CTBP2: variants seen among roughly 807,000 people sequenced by gnomAD.
CTBP2 encodes the protein C-terminal binding protein 2.
Under a neutral mutation model 80.3 loss-of-function variants are expected in CTBP2, and 30 were observed. The observed-to-expected ratio is 0.37, with a 90% CI of 0.28 to 0.51. The LOEUF (loss-of-function observed/expected upper bound fraction) is 0.51, where lower values mean the gene tolerates loss of function less well. Ranked by LOEUF, CTBP2 falls within the 20% of genes least tolerant of loss-of-function variation. The pLI is 0.93. For missense variants in CTBP2, 1,212 were observed against 1,375.3 expected (o/e 0.88, Z 1.88); for synonymous variants, 594 against 587.4 (o/e 1.01, Z -0.16).
upstream of CTBP2, among the ~76,000 whole-genome samples, chr10:125,029,244 A>G (rs1164338828): frequency 2.5e-5 from 3 of 119,382 alleles, no homozygotes; most frequent in Admixed American, 8.3e-5. Context: ...TTTGAGACAC[A>G]GTTTTTTTTT....
At chr10:125,159,344 G>A (rs1464547979) in intron 1 of CTBP2, among the ~76,000 whole-genome samples, 6 of 146,920 alleles carry the variant, frequency 4.1e-5, no homozygotes, top group Admixed American at 4.0e-4. Context: ...GGCTCCCGGC[G>A]GCGGCGGGCG....
chr10:125,085,390 G>T (rs185706358), intron 2 of CTBP2, among the ~76,000 whole-genome samples: 1 of 152,152 alleles, frequency 6.6e-6, no homozygotes, highest in South Asian at 2.1e-4. Flanking sequence ...CTGTACACAC[G>T]CCTGACTCTC....
intron 2 of CTBP2, among the ~76,000 whole-genome samples, chr10:125,041,316 C>G (rs1959671636): frequency 6.6e-6 from 1 of 152,208 alleles, no homozygotes; most frequent in African/African-American, 2.4e-5. Context: ...CTCCTGAACT[C>G]AAGTGATCCA....
chr10:125,060,804 T>C (rs1024611710), intron 2 of CTBP2, among the ~76,000 whole-genome samples: 2 of 152,150 alleles, frequency 1.3e-5, no homozygotes, highest in African/African-American at 4.8e-5. Context: ...GAGAGGCCGG[T>C]GCCCCAACCT....
At chr10:125,005,823 C>T in intron 1 of CTBP2, 1 of 1,606,194 alleles carries the variant, frequency 6.2e-7, no homozygotes, top group Non-Finnish European at 8.5e-7. Context: ...CAGGCGGTCG[C>T]CCACACACAG....
chr10:125,055,566 C>G (rs1963704455), intron 2 of CTBP2, among the ~76,000 whole-genome samples: 1 of 152,184 alleles, frequency 6.6e-6, no homozygotes, highest in Admixed American at 6.5e-5. Flanking sequence ...CCAGAAGCAG[C>G]ACTGCAGAGG....
chr10:125,055,721 C>T (rs1027833491), intron 2 of CTBP2, among the ~76,000 whole-genome samples: 2 of 152,248 alleles, frequency 1.3e-5, no homozygotes, highest in South Asian at 2.1e-4. Context: ...AAAAGCCAGA[C>T]TAGCATGTAA....
In CTBP2 at chr10:125,086,998, T is replaced by A. The variant is rs61869194; in HGVS notation, c.-102+23992A>T. Among the ~76,000 whole-genome samples, 494 of 151,932 alleles carry A rather than the reference T, an allele frequency of 3.3e-3. 5 individuals are homozygous for A. The highest frequency in any genetic ancestry group is 6.0e-3 in the Non-Finnish European group (407 of 68,004). On this transcript the variant is annotated intron_variant, in intron 2 of 10. Transcript: ENST00000337195. ...ATCTCTGAATGGATGGATGACTGAG[T>A]CTGAAGAGATCATGAGCCAGCCCTG...
chr10:125,120,938 C>G lies in CTBP2; in HGVS notation c.-205-9845G>C, dbSNP rs574242609. Among the ~76,000 whole-genome samples the G allele has an allele frequency of 2.0e-5, 3 of 152,288 alleles. No individual in the cohort carries two copies. The South Asian group carries it at 6.2e-4, about 32-fold the overall frequency. On this transcript the variant is annotated intron_variant, in intron 1 of 10. Coordinates refer to the CTBP2 transcript ENST00000337195. ...GGTGGCCAGATATCGGTTCCTTGAC[C>G]CTGACTCTCTCACATTGCCTTCCCC... is the stretch of plus-strand genomic sequence containing the variant.
chr10:125,060,723 G>A (rs1422308852), intron 2 of CTBP2, among the ~76,000 whole-genome samples: 4 of 152,346 alleles, frequency 2.6e-5, no homozygotes, highest in Admixed American at 6.5e-5. Flanking sequence ...GAAGCCAAGA[G>A]GAGAGATTGC....
chr10:125,044,150 C>G (rs768173091), intron 2 of CTBP2, among the ~76,000 whole-genome samples: 6 of 152,194 alleles, frequency 3.9e-5, no homozygotes, highest in Non-Finnish European at 8.8e-5. Context: ...CCTTCTGAGC[C>G]TGGGATCCCA....
rs1206820163 is a variant in CTBP2, at chr10:125,071,617, G to C, written c.-101-32462C>G. On this transcript the variant is annotated intron_variant, in intron 2 of 10. Coordinates refer to the CTBP2 transcript ENST00000337195. ...GTGATGACAGCTGGCCAAGGAACAG[G>C]AGAATGGACCAGTCCGCCAGGTTTT... Among the ~76,000 whole-genome samples the C allele has an allele frequency of 2.6e-5, 4 of 152,168 alleles. No individual in the cohort carries two copies. In the East Asian group the frequency reaches 5.8e-4, roughly 22 times the overall value.
At chr10:125,154,906 A>T (rs907986017) in intron 1 of CTBP2, among the ~76,000 whole-genome samples, 10 of 152,200 alleles carry the variant, frequency 6.6e-5, no homozygotes, top group African/African-American at 2.2e-4. Context: ...TTTTAGCTGC[A>T]TTCTCCCTAA....
At chr10:124,994,709 G>A in intron 4 of CTBP2, 26 bp from the exon 7 acceptor site, 1 of 1,611,424 alleles carries the variant, frequency 6.2e-7, no homozygotes, top group Non-Finnish European at 8.5e-7. Context: ...GCGTCCAGGT[G>A]AGTGAGTCCA....
intron 2 of CTBP2, among the ~76,000 whole-genome samples, chr10:125,104,817 G>C (rs886564924): frequency 2.0e-5 from 3 of 152,190 alleles, no homozygotes; most frequent in African/African-American, 7.2e-5. Context: ...AAAAATAAAT[G>C]AATCAACCAA....
At chr10:125,086,984 G>A (rs1297849891) in intron 2 of CTBP2, among the ~76,000 whole-genome samples, 1 of 152,064 alleles carries the variant, frequency 6.6e-6, no homozygotes, top group Non-Finnish European at 1.5e-5. Flanking sequence ...TCTCTGAATG[G>A]ATGGATGACT....
At chr10:125,133,220 C>G (rs992291054) in intron 1 of CTBP2, among the ~76,000 whole-genome samples, 4 of 152,176 alleles carry the variant, frequency 2.6e-5, no homozygotes, top group Admixed American at 2.0e-4. Flanking sequence ...GAAGACCACA[C>G]AGATTCAAAC....
intron 2 of CTBP2, among the ~76,000 whole-genome samples, chr10:125,106,397 C>A (rs1218234765): frequency 6.6e-6 from 1 of 152,184 alleles, no homozygotes; most frequent in Admixed American, 6.5e-5. Context: ...AGGCTTCCAC[C>A]AGCAAGGGAC....
intron 2 of CTBP2, among the ~76,000 whole-genome samples, chr10:125,110,175 G>A (rs1197874481): frequency 6.6e-6 from 1 of 152,236 alleles, no homozygotes; most frequent in Non-Finnish European, 1.5e-5. Context: ...TGTGACAGGT[G>A]AGAGAGACAG....
Sources: gnomAD v4.1 joint callset for allele counts (sites outside exome capture counted in the v4.1 genomes callset) on GRCh38, gnomAD v4.1.1 for gene constraint, MANE v1.5 for transcripts, NCBI Gene and HGNC (gene_info 2026-07-23, HGNC 2026-07-21) for gene names.